Variants in CERS5 observed in about 807,000 individuals in gnomAD.
The protein encoded by CERS5 is ceramide synthase 5.
In CERS5, 37 loss-of-function variants were observed where a neutral mutation model predicts 58.9. That is an observed-to-expected ratio of 0.63 (90% CI 0.48 to 0.83). CERS5 has a LOEUF of 0.83. CERS5 is among the 40% of genes least tolerant of loss of function. The pLI is 0.00. For missense variants in CERS5, 398 were observed against 489.3 expected (o/e 0.81, Z 1.76); for synonymous variants, 147 against 177.8 (o/e 0.83, Z 1.38).
At chr12:50,144,712 C>T in intron 1 of CERS5, 1 of 995,826 alleles carries the variant, frequency 1.0e-6, no homozygotes, top group Non-Finnish European at 1.5e-6. Flanking sequence ...CCTATTAGCA[C>T]TCTATCGTAG....
chr12:50,153,269 ATTTTTTTTTTTTT>A (rs202197775), intron 1 of CERS5, among the ~76,000 whole-genome samples: 3 of 93,446 alleles, frequency 3.2e-5, no homozygotes, highest in African/African-American at 4.3e-5. Context: ...AACTAATATG[ATTTTTTTTTTTTT>A]TTTTTTTTTT....
rs140867456 is a variant in CERS5, at chr12:50,140,221, T to C, written c.493-1604A>G. 1.7e-3 allele frequency among the ~76,000 whole-genome samples: 252 copies of C among 152,130 alleles called. 7 individuals are homozygous for C. The East Asian group carries it at 0.041, about 25-fold the overall frequency. On this transcript the variant is annotated intron_variant, in intron 4 of 9. Transcript: ENST00000317551. The stretch of plus-strand genomic sequence containing the variant: ...TTTAGCATGATTCAATTAAAAATAT[T>C]TTCTTCTCTTGTGATTTTTTATTTG...
intron 1 of CERS5, among the ~76,000 whole-genome samples, chr12:50,156,291 C>T (rs1938609860): frequency 6.8e-6 from 1 of 148,072 alleles, no homozygotes; most frequent in South Asian, 2.1e-4. Flanking sequence ...GTAGTCCCAG[C>T]TGCTGGGGAG....
intron 1 of CERS5, among the ~76,000 whole-genome samples, chr12:50,162,089 C>T (rs780425201): frequency 6.6e-6 from 1 of 150,898 alleles, no homozygotes; most frequent in Non-Finnish European, 1.5e-5. Context: ...TTGGCGAGGC[C>T]GGTCTCGAAC....
At chr12:50,166,443 C>G (rs545775612) in intron 1 of CERS5, 1 of 155,118 alleles carries the variant, frequency 6.4e-6, no homozygotes, top group Non-Finnish European at 1.4e-5. Flanking sequence ...ATTTCAGGCC[C>G]CAAGGCCTGT....
intron 1 of CERS5, among the ~76,000 whole-genome samples, chr12:50,158,323 C>A (rs1247196538): frequency 6.6e-6 from 1 of 152,170 alleles, no homozygotes; most frequent in Admixed American, 6.5e-5. Context: ...GGGATAACCA[C>A]TGATTTTGTT....
chr12:50,143,268 C>T, intron 2 of CERS5, 64 bp from the exon 3 acceptor site: 1 of 1,582,252 alleles, frequency 6.3e-7, no homozygotes, highest in Non-Finnish European at 8.6e-7. Flanking sequence ...ATCCCATTGA[C>T]TAGCTGAGCG....
intron 1 of CERS5, among the ~76,000 whole-genome samples, chr12:50,151,542 A>AAAAT (rs2138178913): frequency 6.6e-6 from 1 of 152,304 alleles, no homozygotes; most frequent in South Asian, 2.1e-4. Context: ...TCTGTGCTTC[A>AAAAT]GTTCTCTCAT....
At chr12:50,136,118 A>C in intron 6 of CERS5, 49 bp from the exon 7 acceptor site, 1 of 1,435,358 alleles carries the variant, frequency 7.0e-7, no homozygotes, top group Non-Finnish European at 9.2e-7. Context: ...GGGCCCTAGA[A>C]ACACCAGCCA....
chr12:50,137,821 C>T lies in CERS5; in HGVS notation c.544-1G>A, dbSNP rs1245094470. ...AGTGATAAAGCCCACTTGAAAGAGGCTGGAAGAGAGAAAGAAGTAGTTAGA... is the reference window on the plus strand; with the variant it reads ...AGTGATAAAGCCCACTTGAAAGAGGTTGGAAGAGAGAAAGAAGTAGTTAGA... On this transcript the variant is annotated splice_acceptor_variant, in intron 5 of 9. Coordinates refer to ENST00000317551, the MANE Select transcript of CERS5 (RefSeq NM_147190.5). LOFTEE classifies it high-confidence loss of function. 6.3e-7 allele frequency: 1 copy of T among 1,586,686 alleles called. No homozygotes were observed.
At chr12:50,157,789 G>T (rs1379166115) in intron 1 of CERS5, among the ~76,000 whole-genome samples, 3 of 152,074 alleles carry the variant, frequency 2.0e-5, no homozygotes, top group Non-Finnish European at 4.4e-5. Context: ...TCTACTGTAG[G>T]CCAGGCATGG....
chr12:50,134,399 C>T (rs564445430), intron 9 of CERS5, 147 bp downstream of exon 9: 33 of 1,587,950 alleles, frequency 2.1e-5, no homozygotes, highest in African/African-American at 1.5e-4. Context: ...AAAACACTTA[C>T]CGAAGAGGCG....
At chr12:50,165,345 A>G (rs10783340) in intron 1 of CERS5, 103,447 of 151,318 alleles carry the variant, frequency 0.68, 35,682 homozygotes, top group East Asian at 0.84. Context: ...CGTGAACCCG[A>G]GAGGCGGAGC....
chr12:50,135,136 G>GAGA (rs1565768258), intron 8 of CERS5, among the ~76,000 whole-genome samples: 1 of 59,638 alleles, frequency 1.7e-5, no homozygotes, highest in Non-Finnish European at 3.0e-5. Flanking sequence ...GGAGAGGGAG[G>GAGA]GAGAGAGAGA....
intron 1 of CERS5, among the ~76,000 whole-genome samples, chr12:50,166,839 C>A (rs964384679): frequency 6.6e-6 from 1 of 152,192 alleles, no homozygotes; most frequent in Non-Finnish European, 1.5e-5. Context: ...ATGACCCCCC[C>A]AATCCAACTC....
chr12:50,155,070 CT>C (rs1938415553), intron 1 of CERS5, among the ~76,000 whole-genome samples: 1 of 152,000 alleles, frequency 6.6e-6, no homozygotes, highest in Non-Finnish European at 1.5e-5. Context: ...GTTGGCCAGG[CT>C]GGTCTTGAAC....
intron 1 of CERS5, among the ~76,000 whole-genome samples, chr12:50,153,269 ATTT>A (rs202197775): frequency 6.4e-4 from 60 of 93,434 alleles, no homozygotes; most frequent in African/African-American, 2.1e-3. Context: ...AACTAATATG[ATTT>A]TTTTTTTTTT....
At chr12:50,148,351 T>G (rs1000361787) in intron 1 of CERS5, 1 of 173,306 alleles carries the variant, frequency 5.8e-6, no homozygotes, top group African/African-American at 2.4e-5. Context: ...ATCCCAGCAC[T>G]TCGGGAGTCT....
chr12:50,146,845 T>C, intron 1 of CERS5, among the ~76,000 whole-genome samples: 1 of 41,950 alleles, frequency 2.4e-5, no homozygotes, highest in South Asian at 9.9e-4. Context: ...AGACTCCGTC[T>C]CAAAAAAAAA....
Sources: gnomAD v4.1 joint callset for allele counts (sites outside exome capture counted in the v4.1 genomes callset) on GRCh38, gnomAD v4.1.1 for gene constraint, MANE v1.5 for transcripts, NCBI Gene and HGNC (gene_info 2026-07-23, HGNC 2026-07-21) for gene names.